UGT1A3: variants seen among roughly 807,000 people sequenced by gnomAD.
The protein encoded by UGT1A3 is UDP-glucuronosyltransferase 1A3.
A neutral mutation model predicts 41.0 loss-of-function variants in UGT1A3; 31 were observed. The observed-to-expected ratio is 0.76, with a 90% CI of 0.57 to 1.02. The LOEUF (loss-of-function observed/expected upper bound fraction) is 1.02, where lower values mean the gene tolerates loss of function less well. Among genes scored for constraint, UGT1A3 ranks in the 50% least tolerant of loss-of-function variants. The pLI is 0.00. For missense variants in UGT1A3, 737 were observed against 671.0 expected (o/e 1.10, Z -1.09); for synonymous variants, 262 against 257.6 (o/e 1.02, Z -0.17).
At chr2:233,742,161 C>A (rs1479905655) in intron 1 of UGT1A3, among the ~76,000 whole-genome samples, 2 of 151,932 alleles carry the variant, frequency 1.3e-5, no homozygotes, top group African/African-American at 2.4e-5. Context: ...ATTAAAGACA[C>A]ACACACAGAA....
At chr2:233,745,083 C>T (rs1426787719) in intron 1 of UGT1A3, among the ~76,000 whole-genome samples, 3 of 151,660 alleles carry the variant, frequency 2.0e-5, no homozygotes, top group East Asian at 3.8e-4. Flanking sequence ...TTTTTCATTG[C>T]TCTTCCCCCC....
chr2:233,743,808 C>T (rs2125856217), intron 1 of UGT1A3: 1 of 1,367,328 alleles, frequency 7.3e-7, no homozygotes, highest in South Asian at 1.1e-5. Flanking sequence ...TCCTTGTTCT[C>T]AGGGTTTTTG....
chr2:233,751,629 C>A (rs1156397424), intron 1 of UGT1A3, among the ~76,000 whole-genome samples: 1 of 152,162 alleles, frequency 6.6e-6, no homozygotes, highest in African/African-American at 2.4e-5. Context: ...ATCATGTGTG[C>A]AGTTTCCCCC....
chr2:233,758,140 G>T (rs572849917), intron 1 of UGT1A3, among the ~76,000 whole-genome samples: 1 of 152,274 alleles, frequency 6.6e-6, no homozygotes, highest in East Asian at 1.9e-4. Context: ...GGCAGATGAG[G>T]GAATTAGCAA....
At chr2:233,742,015 A>G (rs1575645503) in intron 1 of UGT1A3, 3 of 151,866 alleles carry the variant, frequency 2.0e-5, no homozygotes, top group African/African-American at 4.9e-5. Context: ...GCTTTCATCA[A>G]CCTAATTTGA....
intron 1 of UGT1A3, among the ~76,000 whole-genome samples, chr2:233,763,058 A>G (rs1698227162): frequency 6.6e-6 from 1 of 152,176 alleles, no homozygotes. Context: ...ATTGATTTAG[A>G]TAATTTCCTT....
intron 1 of UGT1A3, among the ~76,000 whole-genome samples, chr2:233,737,486 G>A (rs929571204): frequency 1.3e-5 from 2 of 152,176 alleles, no homozygotes; most frequent in African/African-American, 4.8e-5. Context: ...TCTAGGAAAG[G>A]GAAATCCCTC....
intron 1 of UGT1A3, among the ~76,000 whole-genome samples, chr2:233,765,676 A>T (rs544202607): frequency 2.0e-5 from 3 of 151,708 alleles, no homozygotes; most frequent in Non-Finnish European, 4.4e-5. Flanking sequence ...TGGCATATGT[A>T]TCCCAGAACT....
At chr2:233,764,324 A>C (rs1432372938) in intron 1 of UGT1A3, among the ~76,000 whole-genome samples, 1 of 152,154 alleles carries the variant, frequency 6.6e-6, no homozygotes, top group Non-Finnish European at 1.5e-5. Context: ...AGCTTTGCCA[A>C]GTAGGGGATG....
Position 233,761,122 on chromosome 2 carries a change from A to T in UGT1A3, c.868-5912A>T, listed in dbSNP as rs397978903. 136 of 1,614,116 alleles carry T rather than the reference A, an allele frequency of 8.4e-5. No individual in the cohort carries two copies. Among genetic ancestry groups the T allele is most frequent in the Non-Finnish European group, 1.1e-4 (124 of 1,180,046 alleles). On this transcript the variant is annotated intron_variant, in intron 1 of 4. Coordinates refer to ENST00000482026, the MANE Select transcript of UGT1A3 (RefSeq NM_019093.4). The stretch of plus-strand genomic sequence containing the variant: ...CAATATGGTTTTTGTTGGTGGAATC[A>T]ACTGCCTTCACCAAAATCCACTATC...
At chr2:233,765,400 T>G (rs1698825297) in intron 1 of UGT1A3, among the ~76,000 whole-genome samples, 1 of 152,170 alleles carries the variant, frequency 6.6e-6, no homozygotes, top group Admixed American at 6.5e-5. Context: ...ATGTGGTACA[T>G]ATACACCATG....
At chr2:233,737,494 C>T (rs1180844627) in intron 1 of UGT1A3, among the ~76,000 whole-genome samples, 1 of 152,208 alleles carries the variant, frequency 6.6e-6, no homozygotes, top group South Asian at 2.1e-4. Context: ...AGGGAAATCC[C>T]TCACCCTCTT....
rs67292694 is a variant in UGT1A3, at chr2:233,757,535, A to AATATATATATATATATAT, written c.868-9490_868-9473dup. Among the ~76,000 whole-genome samples the AATATATATATATATATAT allele has an allele frequency of 4.3e-3, 380 of 88,202 alleles. 7 individuals carry two copies. The highest frequency in any genetic ancestry group is 0.012 in the Middle Eastern group (2 of 172). The allele number at this position is 88,202 out of a possible 152,430, so 57.9% of individuals were successfully genotyped here. ...CAAAGCCAAAATCTTGCCTGTAAGG[A>AATATATATATATATATAT]ATATATATATATATATATATATATA... On this transcript the variant is annotated intron_variant, in intron 1 of 4. Transcript: ENST00000482026.
At chr2:233,746,247 A>C (rs939163155) in intron 1 of UGT1A3, among the ~76,000 whole-genome samples, 2 of 151,776 alleles carry the variant, frequency 1.3e-5, no homozygotes, top group Admixed American at 6.6e-5. Flanking sequence ...AAAAGATACA[A>C]GGCAGAACAG....
In UGT1A3 at chr2:233,757,560, A is replaced by ATATG. The variant is rs904896556; in HGVS notation, c.868-9473_868-9472insATGT. On this transcript the variant is annotated intron_variant, in intron 1 of 4. Transcript: ENST00000482026. The stretch of plus-strand genomic sequence containing the variant: ...AATATATATATATATATATATATAT[A>ATATG]TGTATATATGATATAGCTATAGTCT... 2.4e-4 allele frequency among the ~76,000 whole-genome samples: 29 copies of ATATG among 123,152 alleles called. 1 individual carries two copies. The highest frequency in any genetic ancestry group is 9.5e-4 in the African/African-American group (28 of 29,358). 80.8% of individuals were successfully genotyped at this position (123,152 alleles called of 152,430 possible). A position where few individuals can be genotyped will look rare whatever the true frequency, so the allele number is the denominator to read the frequency against.
chr2:233,745,503 T>C (rs1023645979), intron 1 of UGT1A3, among the ~76,000 whole-genome samples: 6 of 151,616 alleles, frequency 4.0e-5, no homozygotes, highest in Admixed American at 6.6e-5. Flanking sequence ...AGATTTCCTA[T>C]AGGGTATTAG....
chr2:233,747,785 C>T, intron 1 of UGT1A3: 1 of 1,613,494 alleles, frequency 6.2e-7, no homozygotes, highest in Non-Finnish European at 8.5e-7. Context: ...CAAATCCTTC[C>T]TCCTATATTC....
At chr2:233,752,418 C>G (rs969012523) in intron 1 of UGT1A3, 2 of 152,110 alleles carry the variant, frequency 1.3e-5, no homozygotes, top group African/African-American at 2.4e-5. Context: ...TTCTGAAAAC[C>G]TGATTTATCG....
At chr2:233,755,012 G>C in intron 1 of UGT1A3, 1 of 1,294,464 alleles carries the variant, frequency 7.7e-7, no homozygotes, top group Non-Finnish European at 1.0e-6. Flanking sequence ...CCTACTCGAA[G>C]GGGTCCTTGA....
Sources: gnomAD v4.1 joint callset for allele counts (sites outside exome capture counted in the v4.1 genomes callset) on GRCh38, gnomAD v4.1.1 for gene constraint, MANE v1.5 for transcripts, NCBI Gene and HGNC (gene_info 2026-07-23, HGNC 2026-07-21) for gene names.